GATB: variants seen among roughly 807,000 people sequenced by gnomAD.
GATB encodes glutamyl-tRNA(Gln) amidotransferase subunit B, mitochondrial.
Under a neutral mutation model 62.3 loss-of-function variants are expected in GATB, and 39 were observed. The ratio of observed to expected loss-of-function variants is 0.63; its 90% confidence interval spans 0.48 to 0.82. GATB has a LOEUF of 0.82. GATB is among the 40% of genes least tolerant of loss of function. The probability of loss-of-function intolerance (pLI) is 0.00; values close to 1 mark genes in which losing one functional copy is unlikely to be tolerated. For missense variants in GATB, 670 were observed against 684.0 expected (o/e 0.98, Z 0.23); for synonymous variants, 276 against 258.9 (o/e 1.07, Z -0.63).
intron 11 of GATB, chr4:151,673,624 T>A (rs1737928446): frequency 6.6e-6 from 1 of 152,226 alleles, no homozygotes; most frequent in South Asian, 2.1e-4. Flanking sequence ...TGGGGCATTT[T>A]TTTTTTACTT....
intron 2 of GATB, among the ~76,000 whole-genome samples, chr4:151,743,975 C>A (rs1362184734): frequency 6.6e-6 from 1 of 152,172 alleles, no homozygotes; most frequent in East Asian, 1.9e-4. Flanking sequence ...GAACACATAA[C>A]CATAAAAGCA....
intron 9 of GATB, among the ~76,000 whole-genome samples, chr4:151,691,178 G>C (rs572228281): frequency 3.9e-5 from 6 of 152,144 alleles, no homozygotes; most frequent in Non-Finnish European, 5.9e-5. Context: ...ATGCAGAAAG[G>C]CTACAGCATT....
At chr4:151,734,064 T>C (rs1414329597) in intron 2 of GATB, among the ~76,000 whole-genome samples, 1 of 152,094 alleles carries the variant, frequency 6.6e-6, no homozygotes, top group Non-Finnish European at 1.5e-5. Flanking sequence ...CTCTCACCAC[T>C]CCTCTTCAAT....
At chr4:151,686,456 C>T (rs1406195809) in intron 10 of GATB, among the ~76,000 whole-genome samples, 4 of 152,070 alleles carry the variant, frequency 2.6e-5, no homozygotes, top group African/African-American at 4.8e-5. Context: ...CTTCACTCCC[C>T]GGGATGCTGC....
At chr4:151,708,551 G>C (rs553139277) in intron 5 of GATB, among the ~76,000 whole-genome samples, 1 of 152,324 alleles carries the variant, frequency 6.6e-6, no homozygotes, top group East Asian at 1.9e-4. Flanking sequence ...CCATTGGAAT[G>C]TGGATTTCTA....
At chr4:151,683,645 A>G (rs1738189551) in intron 10 of GATB, among the ~76,000 whole-genome samples, 1 of 152,226 alleles carries the variant, frequency 6.6e-6, no homozygotes, top group South Asian at 2.1e-4. Flanking sequence ...ACTTCTGGAA[A>G]GAGCTAGGGT....
At chr4:151,705,126 G>A in intron 7 of GATB, 59 bp downstream of exon 7, 1 of 1,200,154 alleles carries the variant, frequency 8.3e-7, no homozygotes, top group South Asian at 1.2e-5. Flanking sequence ...CAGTGGCTGA[G>A]CCCAGCCCTC....
At chr4:151,705,343 A>G (rs1738694986) in intron 6 of GATB, 74 bp from the exon 7 acceptor site, 3 of 908,864 alleles carry the variant, frequency 3.3e-6, no homozygotes, top group East Asian at 2.5e-5. Context: ...ATTAGAAACA[A>G]CCTTTCTCAA....
chr4:151,698,042 T>C (rs1024713995), intron 9 of GATB, among the ~76,000 whole-genome samples: 3 of 145,186 alleles, frequency 2.1e-5, no homozygotes, highest in Non-Finnish European at 3.0e-5. Flanking sequence ...GTTAGCTAAA[T>C]AGGTTGAAGT....
chr4:151,683,511 G>A (rs992022535), intron 10 of GATB, among the ~76,000 whole-genome samples: 12 of 152,184 alleles, frequency 7.9e-5, no homozygotes, highest in Non-Finnish European at 1.6e-4. Context: ...ACCCCTAGCC[G>A]TGAGGAGGAT....
At chr4:151,689,420 G>T (rs1426129133) in intron 9 of GATB, among the ~76,000 whole-genome samples, 5 of 152,120 alleles carry the variant, frequency 3.3e-5, no homozygotes, top group Admixed American at 3.3e-4. Flanking sequence ...CTTCTGAGCT[G>T]GGCCAGGTAC....
chr4:151,740,499 A>G (rs1739463526), intron 2 of GATB, among the ~76,000 whole-genome samples: 1 of 152,256 alleles, frequency 6.6e-6, no homozygotes, highest in Non-Finnish European at 1.5e-5. Flanking sequence ...CATGATGACA[A>G]GATGGCTATG....
chr4:151,719,340 C>T, intron 3 of GATB, 85 bp downstream of exon 3: 1 of 931,634 alleles, frequency 1.1e-6, no homozygotes, highest in Admixed American at 2.0e-5. Flanking sequence ...AGAGGCACAG[C>T]CCCTTTCCCT....
At chr4:151,727,498 A>G (rs1739159136) in intron 2 of GATB, among the ~76,000 whole-genome samples, 1 of 152,222 alleles carries the variant, frequency 6.6e-6, no homozygotes, top group Non-Finnish European at 1.5e-5. Flanking sequence ...TGGCCAGTAA[A>G]AGACAAGACT....
In GATB at chr4:151,716,277, C is replaced by CTTT. The variant is rs1204900952; in HGVS notation, c.641-149_641-147dup. 4.1e-3 allele frequency: 1,698 copies of CTTT among 413,204 alleles called. 31 individuals carry two copies. Among genetic ancestry groups the CTTT allele is most frequent in the African/African-American group, 0.034 (1,470 of 43,636 alleles). The allele number at this position is 413,204 out of a possible 1,614,324, so 25.6% of individuals were successfully genotyped here. Reference sequence around the variant, plus strand: ...CTCAATCATTTCTCTTCCCTCCCACCTTTTTTTTTTTTTTTTTTTTAAAGA... The same window carrying CTTT: ...CTCAATCATTTCTCTTCCCTCCCACCTTTTTTTTTTTTTTTTTTTTTTTAAAGA... On this transcript the variant is annotated intron_variant, in intron 4 of 12. Coordinates refer to ENST00000263985, the MANE Select transcript of GATB (RefSeq NM_004564.3).
At chr4:151,735,635 TACTTGCACAC>T (rs1450777389) in intron 2 of GATB, among the ~76,000 whole-genome samples, 1 of 151,002 alleles carries the variant, frequency 6.6e-6, no homozygotes, top group Non-Finnish European at 1.5e-5. Context: ...AAAAAAAAGA[TACTTGCACAC>T]GCATGTTTAT....
Position 151,701,470 on chromosome 4 carries a change from T to A in GATB, c.1056A>T (p.Thr352=). Residue 352 remains threonine, a synonymous_variant, in exon 9 of 13, where the codon ACA becomes ACT. Coordinates refer to ENST00000263985, the MANE Select transcript of GATB (RefSeq NM_004564.3). ...GTGGGTCTGCACCTGCGGGCAGAGA[T>A]GTGGCGTCGTAGAGCACCAGGGGAG... The part of the protein sequence containing the change: ...NLPPLVLYDA[T]SLPAGADPQQ... 1.3e-6 allele frequency: 2 copies of A among 1,594,720 alleles called. No individual in the cohort carries two copies. The highest frequency in any genetic ancestry group is 1.7e-6 in the Non-Finnish European group (2 of 1,169,674).
chr4:151,709,557 C>T (rs1328008369), intron 5 of GATB, among the ~76,000 whole-genome samples: 2 of 152,124 alleles, frequency 1.3e-5, no homozygotes, highest in African/African-American at 2.4e-5. Context: ...TTCTTTGCCC[C>T]TTATATCCAA....
intron 2 of GATB, among the ~76,000 whole-genome samples, chr4:151,742,157 C>T (rs1017932416): frequency 8.7e-5 from 13 of 149,726 alleles, no homozygotes; most frequent in East Asian, 3.9e-4. Context: ...GGCGCTATCT[C>T]GGCTCACTGC....
Sources: gnomAD v4.1 joint callset for allele counts (sites outside exome capture counted in the v4.1 genomes callset) on GRCh38, gnomAD v4.1.1 for gene constraint, MANE v1.5 for transcripts, NCBI Gene and HGNC (gene_info 2026-07-23, HGNC 2026-07-21) for gene names.